PSPC1: variants seen among roughly 807,000 people sequenced by gnomAD.
PSPC1 encodes the protein paraspeckle protein 1.
Under a neutral mutation model 51.6 loss-of-function variants are expected in PSPC1, and 14 were observed. The ratio of observed to expected loss-of-function variants is 0.27; its 90% CI spans 0.18 to 0.42. PSPC1 has a LOEUF of 0.42. Ranked by LOEUF, PSPC1 falls within the 10% of genes least tolerant of loss-of-function variation. The pLI is 1.00. For missense variants in PSPC1, 406 were observed against 701.1 expected (o/e 0.58, Z 4.75); for synonymous variants, 193 against 231.9 (o/e 0.83, Z 1.53).
At chr13:19,771,781 C>T (rs997487891) in intron 2 of PSPC1, among the ~76,000 whole-genome samples, 6 of 152,010 alleles carry the variant, frequency 3.9e-5, no homozygotes, top group Non-Finnish European at 7.4e-5. Flanking sequence ...CCACCACGCC[C>T]GGCTAATTTT....
intron 3 of PSPC1, among the ~76,000 whole-genome samples, chr13:19,755,031 G>A (rs9805206): frequency 0.088 from 13,440 of 151,980 alleles, 622 homozygotes; most frequent in Middle Eastern, 0.13. Flanking sequence ...CCAGGAGTTC[G>A]AGACCACGCT....
Position 19,772,499 on chromosome 13 carries a change from G to A in PSPC1, c.417C>T (p.Gly139=). Reference sequence around the variant, plus strand: ...GTAGAGGTCTGCTCTTGAGAATGGTGCCGTCCAGCTCTGCTTTTGCAATTT... The same window carrying A: ...GTAGAGGTCTGCTCTTGAGAATGGTACCGTCCAGCTCTGCTTTTGCAATTT... ...LAEIAKAELD[G]TILKSRPLRI... is the part of the protein sequence containing the mutation. The change falls in exon 2 of 9, where the codon GGC becomes GGT. Residue 139 remains glycine, a synonymous_variant. Coordinates refer to ENST00000338910, the MANE Select transcript of PSPC1 (RefSeq NM_001354909.2). 1.9e-6 allele frequency: 3 copies of A among 1,613,818 alleles called. No individual in the cohort carries two copies. Among genetic ancestry groups the A allele is most frequent in the Non-Finnish European group, 2.5e-6 (3 of 1,179,836 alleles).
chr13:19,735,948 G>A (rs1042442199), intron 5 of PSPC1, among the ~76,000 whole-genome samples: 1 of 151,904 alleles, frequency 6.6e-6, no homozygotes, highest in African/African-American at 2.4e-5. Context: ...CAGACTCTGA[G>A]TAGCTGGGAC....
In PSPC1 at chr13:19,782,644, C is replaced by A. The variant is rs371228696; in HGVS notation, c.114G>T (p.Ala38=). The A allele has an allele frequency of 1.2e-5, 18 of 1,559,614 alleles. No homozygotes were observed. The highest frequency in any genetic ancestry group is 1.9e-4 in the Middle Eastern group (1 of 5,376). The change falls in exon 1 of 9, where the codon GCG becomes GCT. Residue 38 remains alanine (A), a synonymous_variant. Transcript: ENST00000338910. The surrounding 1 kb of genome is among the most constrained non-coding windows in gnomAD (Gnocchi z 4.5). ...ESEPAAAAAM[A]LALAGEPAPP... is the part of the protein sequence containing the mutation. ...GTGCCGGCTCCCCGGCAAGAGCGAG[C>A]GCCATGGCTGCCGCGGCCGCCGGCT...
downstream of PSPC1, chr13:19,699,370 G>A (rs534069110): frequency 2.0e-5 from 3 of 150,914 alleles, no homozygotes; most frequent in East Asian, 5.8e-4. Flanking sequence ...ATTAACTGAT[G>A]GATACTCACT....
rs113867063 is a variant in PSPC1 at position 19,687,243 on chromosome 13, A to G, written c.1159-9420T>C. On this transcript the variant is annotated intron_variant and NMD_transcript_variant, in intron 6 of 7. Transcript: ENST00000471658. ...ATTAAAAAATAAAGCCATCTTTAGTATATGTTCATTTCTTTGGGATGTGCA... is the reference window on the plus strand; with the variant it reads ...ATTAAAAAATAAAGCCATCTTTAGTGTATGTTCATTTCTTTGGGATGTGCA... 8.9e-4 allele frequency among the ~76,000 whole-genome samples: 135 copies of G among 152,188 alleles called. 2 individuals are homozygous for G. The highest frequency in any genetic ancestry group is 3.0e-3 in the African/African-American group (124 of 41,538).
intron 7 of PSPC1, among the ~76,000 whole-genome samples, chr13:19,676,961 A>G (rs911608356): frequency 7.9e-5 from 12 of 152,226 alleles, no homozygotes; most frequent in East Asian, 3.9e-4. Flanking sequence ...CTGGCCGGGC[A>G]CAGTGGCTCA....
At chr13:19,678,250 G>C (rs1350366685) in intron 6 of PSPC1, 2 of 160,190 alleles carry the variant, frequency 1.2e-5, no homozygotes, top group Admixed American at 1.3e-4. Flanking sequence ...CACTGTGTCT[G>C]CAAAACCGTA....
intron 6 of PSPC1, among the ~76,000 whole-genome samples, chr13:19,715,279 T>C (rs1881959672): frequency 6.6e-6 from 1 of 152,202 alleles, no homozygotes; most frequent in Non-Finnish European, 1.5e-5. Flanking sequence ...CAGTCAGTTT[T>C]CTTTCATGAA....
rs1257115380 is a variant in PSPC1 at position 19,714,569 on chromosome 13, C to T, written c.1159-4970G>A. Among the ~76,000 whole-genome samples, 9 of 148,722 alleles carry T rather than the reference C, an allele frequency of 6.1e-5. No individual in the cohort carries two copies. The Admixed American group carries it at 6.1e-4, about 10-fold the overall frequency. On this transcript the variant is annotated intron_variant, in intron 6 of 8. Coordinates refer to ENST00000338910, the MANE Select transcript of PSPC1 (RefSeq NM_001354909.2). ...GGGGTGCAATGGCGTGATCTCAACT[C>T]ATGCAGCCTCTGACTCCCAGATTCA...
At chr13:19,675,621 A>G (rs1353173245) in intron 7 of PSPC1, 1 of 152,220 alleles carries the variant, frequency 6.6e-6, no homozygotes, top group African/African-American at 2.4e-5. Flanking sequence ...CTCCTAGGTC[A>G]CGAACAGGAT....
Position 19,782,077 on chromosome 13 carries a change from C to T in PSPC1, c.372+309G>A, listed in dbSNP as rs1890032473. Among the ~76,000 whole-genome samples the T allele has an allele frequency of 6.6e-6, 1 of 152,254 alleles. No individual in the cohort carries two copies. The highest frequency in any genetic ancestry group is 1.9e-4 in the East Asian group (1 of 5,194). The stretch of plus-strand genomic sequence containing the variant: ...CGGGGAACCCGGGAGCGCTCGCTAC[C>T]TGGACAGGGTGCACCATGCCCGATC... On this transcript the variant is annotated intron_variant, in intron 1 of 8. Transcript: ENST00000338910. This position sits in a 1 kb window ranked among gnomAD's most constrained non-coding sequence, Gnocchi z 4.5.
Position 19,782,689 on chromosome 13 carries a change from C to G in PSPC1, c.69G>C (p.Glu23Asp). Residue 23 changes from glutamate to aspartate, a missense_variant, in exon 1 of 9, where the codon GAG becomes GAC. Physicochemically the swap from Glu to Asp is conservative, Grantham distance 45. Around this residue, in one of 5 missense-constraint regions of PSPC1, gnomAD observed 128 missense variants for 107.1 expected, o/e 1.20. Coordinates refer to ENST00000338910, the MANE Select transcript of PSPC1 (RefSeq NM_001354909.2). The surrounding 1 kb of genome is among the most constrained non-coding windows in gnomAD (Gnocchi z 4.5). Reference protein sequence around the residue: ...EKNPARLRALESAVGESEPAA... With the variant: ...EKNPARLRALDSAVGESEPAA... ...CCGGCTCGCTCTCGCCCACCGCGGA[C>G]TCCAGGGCGCGAAGGCGGGCCGGGT... is the stretch of plus-strand genomic sequence containing the variant. The G allele has an allele frequency of 6.4e-7, 1 of 1,572,078 alleles. No homozygotes were observed. Among genetic ancestry groups the G allele is most frequent in the Non-Finnish European group, 8.6e-7 (1 of 1,167,998 alleles).
chr13:19,757,085 G>A lies in PSPC1; in HGVS notation c.770+2238C>T, dbSNP rs144153070. Among the ~76,000 whole-genome samples the A allele has an allele frequency of 2.8e-3, 417 of 150,052 alleles. 4 individuals are homozygous for A. Among genetic ancestry groups the A allele is most frequent in the Non-Finnish European group, 4.4e-3 (299 of 67,702 alleles). On this transcript the variant is annotated intron_variant, in intron 3 of 8. Coordinates refer to ENST00000338910, the MANE Select transcript of PSPC1 (RefSeq NM_001354909.2). ...GCGGGGGTTGCAGTGAGCTGAGATC[G>A]TGCCACTGCACTCCAGCCTGGGCAA...
intron 6 of PSPC1, among the ~76,000 whole-genome samples, chr13:19,719,389 AT>A: frequency 6.6e-6 from 1 of 152,288 alleles, no homozygotes; most frequent in South Asian, 2.1e-4. Context: ...GGCTGGACTT[AT>A]ACTCACTGGG....
At chr13:19,734,933 A>C (rs1416189081) in intron 5 of PSPC1, among the ~76,000 whole-genome samples, 1 of 150,886 alleles carries the variant, frequency 6.6e-6, no homozygotes, top group Non-Finnish European at 1.5e-5. Flanking sequence ...AGCCGAGATC[A>C]CACCACTGCA....
chr13:19,712,320 C>T (rs1175547693), intron 6 of PSPC1, among the ~76,000 whole-genome samples: 1 of 152,180 alleles, frequency 6.6e-6, no homozygotes, highest in African/African-American at 2.4e-5. Flanking sequence ...TTTCAATTTT[C>T]AACTACCCCT....
intron 7 of PSPC1, among the ~76,000 whole-genome samples, chr13:19,706,068 G>C (rs1880617716): frequency 6.6e-6 from 1 of 152,140 alleles, no homozygotes; most frequent in African/African-American, 2.4e-5. Flanking sequence ...AATCATTTTA[G>C]GGCATTTGAG....
chr13:19,672,674 A>G (rs781515822), downstream of PSPC1: 2 of 156,952 alleles, frequency 1.3e-5, no homozygotes, highest in Non-Finnish European at 2.8e-5. Context: ...CCCCAAGCAC[A>G]AAAGGTGGAG....
Sources: gnomAD v4.1 joint callset for allele counts (sites outside exome capture counted in the v4.1 genomes callset) on GRCh38, gnomAD v4.1.1 for gene constraint, gnomAD v4.1.1 regional missense constraint, Gnocchi (gnomAD v3.1) non-coding constraint, MANE v1.5 for transcripts, NCBI Gene and HGNC (gene_info 2026-07-23, HGNC 2026-07-21) for gene names.